EIF4G3: variants seen among roughly 807,000 people sequenced by gnomAD.
EIF4G3 encodes the protein eukaryotic translation initiation factor 4 gamma 3.
EIF4G3 carries 34 observed loss-of-function variants against 186.4 expected under a neutral mutation model. The ratio of observed to expected loss-of-function variants is 0.18; its 90% CI spans 0.14 to 0.24. The LOEUF (loss-of-function observed/expected upper bound fraction) is 0.24. Ranked by LOEUF, EIF4G3 falls within the 10% of genes least tolerant of loss-of-function variation. The probability of loss-of-function intolerance (pLI) is 1.00; values close to 1 mark genes in which losing one functional copy is unlikely to be tolerated. For synonymous variants in EIF4G3, 673 were observed against 679.5 expected (o/e 0.99, Z 0.15); for missense variants, 1,536 against 1,948.5 (o/e 0.79, Z 3.99).
chr1:20,942,084 C>T lies in EIF4G3; in HGVS notation c.1070G>A (p.Cys357Tyr), dbSNP rs1036470671. Residue 357 changes from cysteine to tyrosine, a missense_variant, in exon 14 of 37, where the codon TGT (cysteine) becomes TAT (tyrosine). By Grantham distance (194) the Cys-to-Tyr change is radical. Transcript: ENST00000602326. ...PIFTTAIDDR[C>Y]ELSSPREDTI... is the part of the protein sequence containing the mutation. ...GTCTTCTCTTGGGGATGAGAGTTCA[C>T]ATCTGTCATCTATAGCAGTGGTGAA... The T allele has an allele frequency of 1.9e-6, 3 of 1,614,202 alleles. No homozygotes were observed. Among genetic ancestry groups the T allele is most frequent in the Non-Finnish European group, 8.5e-7 (1 of 1,180,034 alleles).
At chr1:21,064,549 TTC>T (rs1400869521) in intron 3 of EIF4G3, 1 of 152,224 alleles carries the variant, frequency 6.6e-6, no homozygotes, top group Non-Finnish European at 1.5e-5. Context: ...ACATTTTTAT[TTC>T]TTTCACTGCT....
intron 20 of EIF4G3, among the ~76,000 whole-genome samples, chr1:20,868,426 C>T (rs1326981854): frequency 6.6e-6 from 1 of 152,010 alleles, no homozygotes; most frequent in African/African-American, 2.4e-5. Context: ...AGAGAAACAG[C>T]TCAGGTGTTT....
At chr1:20,965,550 T>A (rs557308427) in intron 12 of EIF4G3, among the ~76,000 whole-genome samples, 21 of 152,290 alleles carry the variant, frequency 1.4e-4, no homozygotes, top group African/African-American at 4.8e-4. Flanking sequence ...ACTGGCTTCC[T>A]CTCCTTCAAT....
rs1166648462 is a variant in EIF4G3 at position 20,832,685 on chromosome 1, C to T, written c.4062-3413G>A. 9.9e-3 allele frequency among the ~76,000 whole-genome samples: 1,492 copies of T among 150,464 alleles called. 21 individuals are homozygous for T. The highest frequency in any genetic ancestry group is 0.035 in the African/African-American group (1,421 of 41,014). ...ATGTTTTAGACATGAAGTCCTTGCC[C>T]GTGCCTATGTCCTGAATGGTAATGC... On this transcript the variant is annotated intron_variant, in intron 30 of 36. Coordinates refer to ENST00000602326, the MANE Select transcript of EIF4G3 (RefSeq NM_001391906.1).
chr1:20,925,682 C>G (rs754792743), intron 14 of EIF4G3, among the ~76,000 whole-genome samples: 1 of 152,094 alleles, frequency 6.6e-6, no homozygotes, highest in Non-Finnish European at 1.5e-5. Flanking sequence ...TACAGGCATG[C>G]GCCACCAAGC....
chr1:21,059,213 G>C (rs1159447152), intron 3 of EIF4G3, among the ~76,000 whole-genome samples: 1 of 152,016 alleles, frequency 6.6e-6, no homozygotes, highest in Non-Finnish European at 1.5e-5. Context: ...AAACATTTCA[G>C]CAGCTGCAAC....
chr1:21,116,838 CAAAA>C (rs577723036), intron 2 of EIF4G3, among the ~76,000 whole-genome samples: 2 of 67,520 alleles, frequency 3.0e-5, no homozygotes, highest in Non-Finnish European at 3.0e-5. Context: ...GACTCCTTCT[CAAAA>C]AAAAAAAAAA....
At chr1:20,963,852 G>A (rs1349601400) in intron 12 of EIF4G3, among the ~76,000 whole-genome samples, 2 of 150,182 alleles carry the variant, frequency 1.3e-5, no homozygotes, top group African/African-American at 2.5e-5. Context: ...TACTCAGGAG[G>A]CAAAGGCTGC....
intron 30 of EIF4G3, among the ~76,000 whole-genome samples, chr1:20,834,180 G>A (rs1417341612): frequency 1.3e-5 from 2 of 152,176 alleles, no homozygotes; most frequent in Non-Finnish European, 2.9e-5. Context: ...CAGGCGCAAT[G>A]GCTCATGCCT....
At chr1:21,053,997 C>T (rs948642137) in intron 3 of EIF4G3, among the ~76,000 whole-genome samples, 3 of 151,682 alleles carry the variant, frequency 2.0e-5, no homozygotes, top group Non-Finnish European at 4.4e-5. Context: ...GAACGGGCCA[C>T]GATGACAATG....
At chr1:20,882,427 C>G (rs1208670700) in intron 19 of EIF4G3, among the ~76,000 whole-genome samples, 2 of 151,970 alleles carry the variant, frequency 1.3e-5, no homozygotes, top group Admixed American at 6.5e-5. Flanking sequence ...CCAGAGTAGC[C>G]TGGTCAATGT....
At chr1:21,134,840 T>C (rs2097211144) in intron 2 of EIF4G3, among the ~76,000 whole-genome samples, 1 of 152,138 alleles carries the variant, frequency 6.6e-6, no homozygotes, top group Non-Finnish European at 1.5e-5. Context: ...TGCTTTGCTA[T>C]GTTATAGTGT....
At chr1:21,092,344 C>T (rs1483192547) in intron 2 of EIF4G3, among the ~76,000 whole-genome samples, 1 of 152,148 alleles carries the variant, frequency 6.6e-6, no homozygotes, top group Non-Finnish European at 1.5e-5. Flanking sequence ...ACGAAGCCCA[C>T]TTGGTCACTG....
chr1:21,053,593 TG>T (rs1192543462), intron 3 of EIF4G3, among the ~76,000 whole-genome samples: 1 of 73,158 alleles, frequency 1.4e-5, no homozygotes, highest in Non-Finnish European at 2.8e-5. Context: ...GGAGGGAGGT[TG>T]GGGGGTCAGC....
Position 21,074,931 on chromosome 1 carries a change from G to A in EIF4G3, c.-196+14207C>T, listed in dbSNP as rs184603025. Reference sequence around the variant, plus strand: ...CTCTACAAAAAGTAAAGTATTCGCCGGGGTGGTTACCGTAAGTGAAAAGAT... The same window carrying A: ...CTCTACAAAAAGTAAAGTATTCGCCAGGGTGGTTACCGTAAGTGAAAAGAT... On this transcript the variant is annotated intron_variant, in intron 3 of 36. Coordinates refer to ENST00000602326, the MANE Select transcript of EIF4G3 (RefSeq NM_001391906.1). 9.9e-5 allele frequency among the ~76,000 whole-genome samples: 15 copies of A among 152,146 alleles called. No homozygotes were observed. In the South Asian group the frequency reaches 2.3e-3, roughly 23 times the overall value.
At chr1:21,014,976 AGC>A (rs1251666631) in intron 4 of EIF4G3, among the ~76,000 whole-genome samples, 1 of 151,762 alleles carries the variant, frequency 6.6e-6, no homozygotes, top group Non-Finnish European at 1.5e-5. Context: ...ACACTCAATA[AGC>A]TAAAGAAAGG....
intron 18 of EIF4G3, among the ~76,000 whole-genome samples, chr1:20,887,388 AATGTC>A (rs1213511102): frequency 2.6e-5 from 4 of 152,184 alleles, no homozygotes; most frequent in Non-Finnish European, 5.9e-5. Flanking sequence ...TCTAGACTTT[AATGTC>A]ATTCATTACA....
intron 4 of EIF4G3, among the ~76,000 whole-genome samples, chr1:21,013,146 G>T (rs2087715633): frequency 6.6e-6 from 1 of 152,084 alleles, no homozygotes; most frequent in South Asian, 2.1e-4. Flanking sequence ...CAGAATCTGG[G>T]AGGGATCACA....
rs2087633017 is a variant in EIF4G3 at position 20,895,465 on chromosome 1, T to C, written c.2036A>G (p.Gln679Arg). Residue 679 changes from glutamine (Q) to arginine (R), a missense_variant, in exon 17 of 37, where the codon CAG becomes CGG. Gln to Arg is a conservative substitution (Grantham distance 43). Transcript: ENST00000602326. ...GTCCAGCAGAAACTCCCTGTCATACTGCTTCTTACCTTCAGTATCAGTAGG... is the reference window on the plus strand; with the variant it reads ...GTCCAGCAGAAACTCCCTGTCATACCGCTTCTTACCTTCAGTATCAGTAGG... ...WKPTDTEGKK[Q>R]YDREFLLDFQ... The C allele has an allele frequency of 6.2e-7, 1 of 1,614,002 alleles. No homozygotes were observed. Among genetic ancestry groups the C allele is most frequent in the East Asian group, 2.2e-5 (1 of 44,886 alleles).
Sources: gnomAD v4.1 joint callset for allele counts (sites outside exome capture counted in the v4.1 genomes callset) on GRCh38, gnomAD v4.1.1 for gene constraint, MANE v1.5 for transcripts, NCBI Gene and HGNC (gene_info 2026-07-23, HGNC 2026-07-21) for gene names.